PRKG2: variants seen among roughly 807,000 people sequenced by gnomAD.
PRKG2 encodes protein kinase cGMP-dependent 2.
PRKG2 carries 33 observed loss-of-function variants against 97.2 expected under a neutral mutation model. The observed-to-expected ratio is 0.34, with a 90% CI of 0.26 to 0.45. The LOEUF is 0.45. PRKG2 is among the 20% of genes least tolerant of loss of function. The pLI, the probability that PRKG2 is intolerant of heterozygous loss-of-function variation, is 1.00. For missense variants in PRKG2, 638 were observed against 900.0 expected, an observed-to-expected ratio of 0.71 and a Z score of 3.73; for synonymous variants, 330 against 321.8, an observed-to-expected ratio of 1.03 and a Z score of -0.27.
intron 2 of PRKG2, among the ~76,000 whole-genome samples, chr4:81,189,067 A>T (rs1560615694): frequency 4.6e-4 from 4 of 8,656 alleles, no homozygotes; most frequent in Admixed American, 1.3e-3. Context: ...AAAAAATAAT[A>T]AAAAAAAAAA....
At chr4:81,118,637 C>T (rs1744782387) in intron 14 of PRKG2, among the ~76,000 whole-genome samples, 1 of 152,114 alleles carries the variant, frequency 6.6e-6, no homozygotes, top group Admixed American at 6.5e-5. Flanking sequence ...ATTATTTAAT[C>T]AAGTTGTTTG....
chr4:81,145,293 G>C (rs1351217821), intron 9 of PRKG2, among the ~76,000 whole-genome samples: 1 of 152,112 alleles, frequency 6.6e-6, no homozygotes, highest in African/African-American at 2.4e-5. Context: ...AGTGGGAAGG[G>C]AACAGCCTTA....
At chr4:81,198,340 C>T (rs1172947664) in intron 2 of PRKG2, among the ~76,000 whole-genome samples, 1 of 152,180 alleles carries the variant, frequency 6.6e-6, no homozygotes, top group African/African-American at 2.4e-5. Flanking sequence ...CAAAGGGAGA[C>T]TGGCTGGGTG....
At chr4:81,108,721 A>C (rs1838176) in intron 15 of PRKG2, among the ~76,000 whole-genome samples, 124,926 of 151,886 alleles carry the variant, frequency 0.82, 52,033 homozygotes, top group African/African-American at 0.96. Flanking sequence ...ACAGTAAGAT[A>C]CCATTTCTGC....
rs2109930931 is a variant in PRKG2, at chr4:81,088,269, C to CT, written c.*1438dup. 1 of 152,178 alleles carries CT rather than the reference C, an allele frequency of 6.6e-6. No individual in the cohort carries two copies. The highest frequency in any genetic ancestry group is 1.9e-4 in the East Asian group (1 of 5,180). The allele number at this position is 152,178 out of a possible 1,614,324, so 9.4% of individuals were successfully genotyped here. ...ACTCATTAAGGAAGCATATAGCTGGCTTTTTTCTGGATGATGAAATTATGA... is the reference window on the plus strand; with the variant it reads ...ACTCATTAAGGAAGCATATAGCTGGCTTTTTTTCTGGATGATGAAATTATGA... On this transcript the variant is annotated 3_prime_UTR_variant, in exon 19 of 19. Transcript: ENST00000264399.
chr4:81,217,387 T>C (rs1184550740), upstream of PRKG2, among the ~76,000 whole-genome samples: 2 of 152,078 alleles, frequency 1.3e-5, no homozygotes, highest in East Asian at 3.9e-4. Context: ...TTGCCCAGGG[T>C]CACCCAGCTA....
At chr4:81,096,069 T>C (rs866878319) in intron 17 of PRKG2, among the ~76,000 whole-genome samples, 1 of 152,160 alleles carries the variant, frequency 6.6e-6, no homozygotes, top group South Asian at 2.1e-4. Flanking sequence ...CATGCCTTGG[T>C]GTTGATGGCT....
chr4:81,133,416 A>C (rs1746365455), intron 14 of PRKG2, among the ~76,000 whole-genome samples: 1 of 152,136 alleles, frequency 6.6e-6, no homozygotes, highest in Admixed American at 6.5e-5. Context: ...CTGTTCCCAG[A>C]GGGCACAGCT....
At chr4:81,183,468 C>T (rs1368168474) in intron 2 of PRKG2, among the ~76,000 whole-genome samples, 4 of 152,150 alleles carry the variant, frequency 2.6e-5, no homozygotes, top group African/African-American at 7.2e-5. Context: ...CCAGATAGTA[C>T]GCTTTTCCCA....
intron 8 of PRKG2, among the ~76,000 whole-genome samples, chr4:81,150,737 G>A (rs186778952): frequency 1.2e-4 from 19 of 152,132 alleles, no homozygotes; most frequent in East Asian, 3.9e-4. Context: ...TCAAGCTTCC[G>A]TTGTTTTGCT....
rs201523438 is a variant in PRKG2, at chr4:81,205,057, G to A, written c.-10C>T. ...CTGAACCATTTCCCATTTTGCTCAGGGACCTGAGAAGGCACAGAATTGGGA... is the reference window on the plus strand; with the variant it reads ...CTGAACCATTTCCCATTTTGCTCAGAGACCTGAGAAGGCACAGAATTGGGA... On this transcript the variant is annotated 5_prime_UTR_variant, in exon 2 of 19. Transcript: ENST00000264399. 2 of 1,584,818 alleles carry A rather than the reference G, an allele frequency of 1.3e-6. No individual in the cohort carries two copies. The highest frequency in any genetic ancestry group is 1.3e-5 in the African/African-American group (1 of 74,236).
At chr4:81,143,315 C>G (rs528557243) in intron 10 of PRKG2, among the ~76,000 whole-genome samples, 1 of 151,870 alleles carries the variant, frequency 6.6e-6, no homozygotes, top group Non-Finnish European at 1.5e-5. Flanking sequence ...AAAAAACAAC[C>G]ATGAAAAGCA....
chr4:81,183,003 A>C (rs1751550000), intron 2 of PRKG2, among the ~76,000 whole-genome samples: 1 of 152,094 alleles, frequency 6.6e-6, no homozygotes. Context: ...CTAAATTTAA[A>C]AATTTATGAA....
chr4:81,171,184 C>T (rs1345009223), intron 4 of PRKG2, among the ~76,000 whole-genome samples: 2 of 150,932 alleles, frequency 1.3e-5, no homozygotes, highest in African/African-American at 4.9e-5. Flanking sequence ...CCCCATTGGG[C>T]TCCAGTGTGT....
chr4:81,165,973 C>G (rs1468720114), intron 6 of PRKG2, among the ~76,000 whole-genome samples: 1 of 151,552 alleles, frequency 6.6e-6, no homozygotes, highest in Non-Finnish European at 1.5e-5. Context: ...AAAAAAAACA[C>G]CCTTAGAAAT....
At chr4:81,217,630 C>T (rs1754321555), upstream of PRKG2, among the ~76,000 whole-genome samples, 1 of 152,150 alleles carries the variant, frequency 6.6e-6, no homozygotes. Flanking sequence ...TCTCTGCCAA[C>T]TTAGAGTGTA....
At chr4:81,103,570 C>A (rs957296232) in intron 17 of PRKG2, among the ~76,000 whole-genome samples, 2 of 151,996 alleles carry the variant, frequency 1.3e-5, no homozygotes, top group African/African-American at 2.4e-5. Context: ...AAATAGAATA[C>A]TTTTTCACAG....
intron 17 of PRKG2, among the ~76,000 whole-genome samples, chr4:81,098,729 G>T (rs929532962): frequency 1.3e-5 from 2 of 152,056 alleles, no homozygotes; most frequent in Non-Finnish European, 2.9e-5. Flanking sequence ...ATGAAGTTTG[G>T]CATCTTATAT....
intron 6 of PRKG2, 136 bp from the exon 7 acceptor site, chr4:81,153,857 G>C (rs1341500953): frequency 6.4e-6 from 4 of 627,226 alleles, no homozygotes; most frequent in East Asian, 3.0e-5. Context: ...CTGAGGTACC[G>C]GGTTCATCTC....
Sources: allele counts gnomAD v4.1 joint callset (sites outside exome capture counted in the v4.1 genomes callset), GRCh38; gene constraint gnomAD v4.1.1; transcripts MANE v1.5; gene names NCBI Gene and HGNC (gene_info 2026-07-23, HGNC 2026-07-21).